The following DAB1 variants were observed in gnomAD, a reference collection of about 807,000 sequenced individuals.
DAB1 encodes disabled homolog 1.
In DAB1, 15 loss-of-function variants were observed where a neutral mutation model predicts 64.6. The ratio of observed to expected loss-of-function variants is 0.23; its 90% CI spans 0.16 to 0.36. The LOEUF (loss-of-function observed/expected upper bound fraction) is 0.36. DAB1 is among the 10% of genes least tolerant of loss of function. The pLI is 1.00. For synonymous variants in DAB1, 235 were observed against 251.9 expected (o/e 0.93, Z 0.64); for missense variants, 596 against 706.7 (o/e 0.84, Z 1.78).
intron 4 of DAB1, among the ~76,000 whole-genome samples, chr1:58,238,047 T>G (rs1192246785): frequency 6.6e-6 from 1 of 152,202 alleles, no homozygotes; most frequent in Non-Finnish European, 1.5e-5. Flanking sequence ...TCAAAGCCCA[T>G]GTCCTTTGGC....
intron 7 of DAB1, among the ~76,000 whole-genome samples, chr1:57,586,533 C>A (rs1645383132): frequency 6.6e-6 from 1 of 151,596 alleles, no homozygotes; most frequent in South Asian, 2.1e-4. Flanking sequence ...TCATGGCGAA[C>A]CATGCTGGCA....
intron 1 of DAB1, among the ~76,000 whole-genome samples, chr1:57,833,990 C>T (rs974772090): frequency 6.6e-6 from 1 of 152,074 alleles, no homozygotes; most frequent in Non-Finnish European, 1.5e-5. Flanking sequence ...ATATTTGTAA[C>T]AGGATGCAAA....
chr1:58,340,729 A>T (rs890310087), intron 4 of DAB1, among the ~76,000 whole-genome samples: 1 of 152,200 alleles, frequency 6.6e-6, no homozygotes, highest in Admixed American at 6.6e-5. Flanking sequence ...CTAAGACTTG[A>T]CATTGGACAT....
At chr1:57,205,571 C>T (rs1466992421) in intron 2 of DAB1, among the ~76,000 whole-genome samples, 1 of 152,204 alleles carries the variant, frequency 6.6e-6, no homozygotes, top group Non-Finnish European at 1.5e-5. Flanking sequence ...TCATCAACTA[C>T]TATGTGTCAG....
At chr1:58,144,734 G>A (rs1315645793) in intron 5 of DAB1, among the ~76,000 whole-genome samples, 2 of 152,120 alleles carry the variant, frequency 1.3e-5, no homozygotes, top group East Asian at 1.9e-4. Flanking sequence ...TGATACACCC[G>A]GGGTCACCCA....
At position 57,707,237 on chromosome 1, in the gene DAB1, T is replaced by G. The variant is rs182478387; in HGVS notation, n.552-57572A>C. On this transcript the variant is annotated intron_variant and non_coding_transcript_variant, in intron 6 of 20. Transcript: ENST00000485760. ...TCTATAATTTTGTCATTTTGAGAAT[T>G]TATAAATGGAATCACACATCACACA... is the stretch of plus-strand genomic sequence containing the variant. Among the ~76,000 whole-genome samples the G allele has an allele frequency of 1.1e-3, 163 of 152,326 alleles. 1 individual carries two copies. The highest frequency in any genetic ancestry group is 3.8e-3 in the African/African-American group (156 of 41,584).
At chr1:57,756,907 T>C (rs1648837287) in intron 6 of DAB1, among the ~76,000 whole-genome samples, 1 of 152,092 alleles carries the variant, frequency 6.6e-6, no homozygotes, top group South Asian at 2.1e-4. Flanking sequence ...GGAAGGATGC[T>C]GAGCAGAATG....
intron 7 of DAB1, among the ~76,000 whole-genome samples, chr1:57,642,439 ACT>A (rs1646141394): frequency 6.6e-6 from 1 of 152,032 alleles, no homozygotes; most frequent in Admixed American, 6.5e-5. Flanking sequence ...TTCTGGCACC[ACT>A]CTGTAATAAC....
At chr1:58,219,571 A>C (rs1659049437) in intron 4 of DAB1, among the ~76,000 whole-genome samples, 6 of 152,160 alleles carry the variant, frequency 3.9e-5, no homozygotes. Context: ...TTCCAGCCTC[A>C]GGATCTCCTG....
chr1:57,576,805 C>T (rs553888131), intron 7 of DAB1, among the ~76,000 whole-genome samples: 8 of 152,158 alleles, frequency 5.3e-5, no homozygotes, highest in East Asian at 1.9e-4. Context: ...TTTTCTGAGA[C>T]GGGTGGAAGA....
intron 2 of DAB1, among the ~76,000 whole-genome samples, chr1:57,248,647 T>A (rs906072966): frequency 1.3e-5 from 2 of 152,210 alleles, no homozygotes; most frequent in Non-Finnish European, 2.9e-5. Context: ...TCCTGCCGTG[T>A]AATTCTCAGC....
intron 4 of DAB1, among the ~76,000 whole-genome samples, chr1:58,302,832 A>G (rs1364908195): frequency 1.3e-5 from 2 of 152,100 alleles, no homozygotes; most frequent in Admixed American, 1.3e-4. Context: ...ATTTTTTTAA[A>G]TTACTGTTTT....
At chr1:57,125,544 T>C (rs190814557) in intron 4 of DAB1, among the ~76,000 whole-genome samples, 39 of 152,198 alleles carry the variant, frequency 2.6e-4, no homozygotes, top group Admixed American at 1.0e-3. Context: ...TATCTACATG[T>C]ACATGAAAGT....
At chr1:58,459,368 T>A (rs1263344179) in intron 3 of DAB1, among the ~76,000 whole-genome samples, 2 of 152,230 alleles carry the variant, frequency 1.3e-5, no homozygotes, top group Admixed American at 1.3e-4. Flanking sequence ...GGCTGTGTAA[T>A]CTGAAAGCTT....
At chr1:57,787,362 A>T (rs948088825) in intron 6 of DAB1, among the ~76,000 whole-genome samples, 1 of 152,110 alleles carries the variant, frequency 6.6e-6, no homozygotes, top group Non-Finnish European at 1.5e-5. Flanking sequence ...TCCAAAATAG[A>T]CCTGCACGTA....
chr1:57,705,312 C>T (rs911909406), intron 6 of DAB1, among the ~76,000 whole-genome samples: 42 of 152,050 alleles, frequency 2.8e-4, no homozygotes, highest in Admixed American at 2.8e-3. Context: ...TTTCAGCATC[C>T]TCATAGTTTA....
intron 1 of DAB1, among the ~76,000 whole-genome samples, chr1:57,394,077 C>T (rs995182998): frequency 6.6e-6 from 1 of 152,130 alleles, no homozygotes; most frequent in Non-Finnish European, 1.5e-5. Context: ...TTTATATGAG[C>T]GGGTTTCTCT....
At chr1:57,964,113 T>C (rs1645594572) in intron 5 of DAB1, among the ~76,000 whole-genome samples, 1 of 152,002 alleles carries the variant, frequency 6.6e-6, no homozygotes, top group South Asian at 2.1e-4. Context: ...GGGCTAGGGG[T>C]AACAGAACTG....
chr1:57,970,140 C>T (rs1444422041), intron 5 of DAB1, among the ~76,000 whole-genome samples: 1 of 152,188 alleles, frequency 6.6e-6, no homozygotes, highest in Non-Finnish European at 1.5e-5. Flanking sequence ...TGATCTTGGA[C>T]TTCCAGCCTC....
Sources: gnomAD v4.1 joint callset for allele counts (sites outside exome capture counted in the v4.1 genomes callset) on GRCh38, gnomAD v4.1.1 for gene constraint, MANE v1.5 for transcripts, NCBI Gene and HGNC (gene_info 2026-07-23, HGNC 2026-07-21) for gene names.